Variants in CSMD2 observed in about 807,000 individuals in gnomAD.
The protein encoded by CSMD2 is CUB and sushi domain-containing protein 2.
In CSMD2, 130 loss-of-function variants were observed where a neutral mutation model predicts 398.5. The ratio of observed to expected loss-of-function variants is 0.33; its 90% CI spans 0.28 to 0.38. The LOEUF (loss-of-function observed/expected upper bound fraction) is 0.38. Among genes scored for constraint, CSMD2 ranks in the 10% least tolerant of loss-of-function variants. The pLI is 1.00. For synonymous variants in CSMD2, 1,828 were observed against 1,908.5 expected (o/e 0.96, Z 1.10); for missense variants, 3,829 against 4,764.9 (o/e 0.80, Z 5.78).
intron 3 of CSMD2, among the ~76,000 whole-genome samples, chr1:33,980,538 A>G (rs4408120): frequency 0.3 from 45,473 of 152,048 alleles, 7,205 homozygotes; most frequent in Non-Finnish European, 0.34. Context: ...GTACACAGTA[A>G]GCACTCAATT....
intron 5 of CSMD2, among the ~76,000 whole-genome samples, chr1:33,874,579 C>T (rs1640703838): frequency 6.6e-6 from 1 of 152,212 alleles, no homozygotes; most frequent in Non-Finnish European, 1.5e-5. Flanking sequence ...TGGACATCCA[C>T]TTTGTGCTTG....
intron 28 of CSMD2, among the ~76,000 whole-genome samples, chr1:33,649,830 G>A (rs1277232971): frequency 2.6e-5 from 4 of 152,160 alleles, no homozygotes; most frequent in Non-Finnish European, 4.4e-5. Context: ...AAGATATATA[G>A]CAGGGGGAGG....
At chr1:33,889,753 CTGTGTGTGTG>C (rs55771161) in intron 5 of CSMD2, among the ~76,000 whole-genome samples, 9 of 148,066 alleles carry the variant, frequency 6.1e-5, no homozygotes, top group Admixed American at 1.4e-4. Flanking sequence ...ACCTCCTATC[CTGTGTGTGTG>C]TGTGTGTGTG....
At chr1:34,128,243 A>C (rs1158040616) in intron 1 of CSMD2, among the ~76,000 whole-genome samples, 1 of 152,106 alleles carries the variant, frequency 6.6e-6, no homozygotes, top group Non-Finnish European at 1.5e-5. Flanking sequence ...AGCCCCCAGC[A>C]CTGGAAGCTT....
chr1:33,990,926 TTATAA>T (rs1311950772), intron 3 of CSMD2, among the ~76,000 whole-genome samples: 5 of 152,156 alleles, frequency 3.3e-5, no homozygotes, highest in Non-Finnish European at 7.4e-5. Context: ...TGGGTCATAC[TTATAA>T]TAGAATATCG....
At chr1:34,070,469 G>C (rs1454524667) in intron 2 of CSMD2, among the ~76,000 whole-genome samples, 1 of 152,200 alleles carries the variant, frequency 6.6e-6, no homozygotes. Context: ...TTAGCATAGG[G>C]CTTATGAGCC....
intron 47 of CSMD2, 119 bp downstream of exon 47, chr1:33,583,523 G>A (rs900025940): frequency 1.5e-5 from 15 of 995,248 alleles, no homozygotes; most frequent in Non-Finnish European, 2.2e-5. Flanking sequence ...GGTAGGGAAG[G>A]ACATCCTGTG....
chr1:33,676,313 T>C (rs913335268), intron 25 of CSMD2, among the ~76,000 whole-genome samples: 4 of 151,978 alleles, frequency 2.6e-5, no homozygotes, highest in South Asian at 2.1e-4. Flanking sequence ...TATACACCAA[T>C]AACAGACAAA....
intron 56 of CSMD2, among the ~76,000 whole-genome samples, chr1:33,548,480 T>C (rs1657118776): frequency 6.6e-6 from 1 of 152,208 alleles, no homozygotes; most frequent in African/African-American, 2.4e-5. Context: ...CAGTGGTGTA[T>C]GACTCAAGGA....
chr1:33,600,354 T>A (rs1161362084), intron 44 of CSMD2: 14 of 586,496 alleles, frequency 2.4e-5, no homozygotes, highest in Non-Finnish European at 4.3e-5. Context: ...AATATCCAGA[T>A]CCCTAACTTG....
rs1638891143 is a variant in CSMD2, at chr1:33,583,830, A to G, written c.7052T>C (p.Val2351Ala). ...QFEGPPPICE[V>A]HCPTNELLTD... ...CAGAAGCTCATTTGTTGGACAGTGC[A>G]CTTGGAGAAAGAAAGAGAAACACCA... Residue 2351 changes from valine (V) to alanine (A), a missense_variant and splice_region_variant, in exon 47 of 71, where the codon GTG becomes GCG. Val to Ala is a moderately conservative substitution (Grantham distance 64). Coordinates refer to ENST00000373381, the MANE Select transcript of CSMD2 (RefSeq NM_001281956.2). 1 of 1,612,184 alleles carries G rather than the reference A, an allele frequency of 6.2e-7. No individual in the cohort carries two copies. The highest frequency in any genetic ancestry group is 8.5e-7 in the Non-Finnish European group (1 of 1,178,908).
chr1:33,547,523 C>T (rs540656387), intron 56 of CSMD2, among the ~76,000 whole-genome samples: 1 of 152,302 alleles, frequency 6.6e-6, no homozygotes, highest in Non-Finnish European at 1.5e-5. Flanking sequence ...GTCATGTGTA[C>T]CCCACCACTT....
chr1:33,542,763 G>A lies in CSMD2; in HGVS notation c.9234C>T (p.Cys3078=), dbSNP rs1195058640. The A allele has an allele frequency of 1.2e-6, 2 of 1,614,140 alleles. No homozygotes were observed. The highest frequency in any genetic ancestry group is 4.5e-5 in the East Asian group (2 of 44,888). The change falls in exon 58 of 71, where the codon TGC becomes TGT. Residue 3078 remains cysteine, a synonymous_variant. Coordinates refer to ENST00000373381, the MANE Select transcript of CSMD2 (RefSeq NM_001281956.2). ...TGCCTGTCCAGGTACCATTGACCGA[G>A]CAGTGACGGCTGAGCAGGCCTGTGG... ...YYATGLLSRH[C]SVNGTWTGSD...
intron 5 of CSMD2, among the ~76,000 whole-genome samples, chr1:33,901,726 GCA>G (rs1032536663): frequency 6.6e-6 from 1 of 152,154 alleles, no homozygotes; most frequent in African/African-American, 2.4e-5. Context: ...ACAGAAACTG[GCA>G]CAGAGTAGGC....
chr1:33,828,167 A>G (rs562583302), intron 6 of CSMD2, among the ~76,000 whole-genome samples: 53 of 152,344 alleles, frequency 3.5e-4, no homozygotes, highest in African/African-American at 1.3e-3. Context: ...ATAAATGTGC[A>G]TTACTCTCCA....
intron 25 of CSMD2, among the ~76,000 whole-genome samples, chr1:33,667,459 C>A (rs904163125): frequency 2.0e-5 from 3 of 152,146 alleles, no homozygotes; most frequent in Non-Finnish European, 2.9e-5. Context: ...AGGTCATGGG[C>A]TGGTTAGACA....
Position 34,089,011 on chromosome 1 carries a change from C to T in CSMD2, c.370G>A (p.Asp124Asn). Residue 124 changes from aspartate to asparagine, a missense_variant, in exon 2 of 71, where the codon GAT becomes AAT. By Grantham distance (23) the Asp-to-Asn change is conservative. Around this residue, in one of 5 missense-constraint regions of CSMD2, gnomAD observed 184 missense variants for 217.7 expected, o/e 0.85. Coordinates refer to ENST00000373381, the MANE Select transcript of CSMD2 (RefSeq NM_001281956.2). ...AGATTCTCTGGCTGGGGTGGACCATCAAACACCGACAGGACATCAAAGTCC... is the reference window on the plus strand; with the variant it reads ...AGATTCTCTGGCTGGGGTGGACCATTAAACACCGACAGGACATCAAAGTCC... ...EEDFDVLSVF[D>N]GPPQPENLRT... is the part of the protein sequence containing the mutation. The T allele has an allele frequency of 6.2e-7, 1 of 1,614,036 alleles. No individual in the cohort carries two copies. The highest frequency in any genetic ancestry group is 1.1e-5 in the South Asian group (1 of 91,060).
chr1:34,126,803 A>AGATGGGGAGAGAGAGAGACATAGAT (rs1553325073), intron 1 of CSMD2, among the ~76,000 whole-genome samples: 3 of 151,012 alleles, frequency 2.0e-5, no homozygotes, highest in South Asian at 4.2e-4. Context: ...AGAGAGACAT[A>AGATGGGGAGAGAGAGAGACATAGAT]GGGGAGAGAG....
chr1:34,071,957 C>T (rs1655776621), intron 2 of CSMD2, among the ~76,000 whole-genome samples: 1 of 152,168 alleles, frequency 6.6e-6, no homozygotes, highest in Non-Finnish European at 1.5e-5. Context: ...TTTAAATCCT[C>T]ATATTGTAAG....
Sources: gnomAD v4.1 joint callset for allele counts (sites outside exome capture counted in the v4.1 genomes callset) on GRCh38, gnomAD v4.1.1 for gene constraint, gnomAD v4.1.1 regional missense constraint, MANE v1.5 for transcripts, NCBI Gene and HGNC (gene_info 2026-07-23, HGNC 2026-07-21) for gene names.